The following FKBP5 variants were observed in gnomAD, a reference collection of about 807,000 sequenced individuals.
FKBP5 encodes peptidyl-prolyl cis-trans isomerase FKBP5.
FKBP5 carries 23 observed loss-of-function variants against 50.5 expected under a neutral mutation model. That is an observed-to-expected ratio of 0.46 (90% CI 0.33 to 0.65). FKBP5 has a LOEUF of 0.65. Among genes scored for constraint, FKBP5 ranks in the 30% least tolerant of loss-of-function variants. FKBP5 has a pLI of 0.02. For missense variants in FKBP5, 411 were observed against 553.1 expected (o/e 0.74, Z 2.58); for synonymous variants, 176 against 190.6 (o/e 0.92, Z 0.63).
At position 35,580,823 on chromosome 6, in the gene FKBP5, G is replaced by A. The variant is rs139892530; in HGVS notation, c.841-602C>T. ...CCCAAAGTGCTGGGATTACAGGCAT[G>A]AGCCACCACACCTGGCCTATTCTTT... is the stretch of plus-strand genomic sequence containing the variant. On this transcript the variant is annotated intron_variant, in intron 8 of 10. Transcript: ENST00000357266. The A allele has an allele frequency of 2.1e-3, 2,094 of 983,478 alleles. 14 individuals are homozygous for A. In the African/African-American group the frequency reaches 0.024, roughly 11 times the overall value. The allele number at this position is 983,478 out of a possible 1,614,324, so 60.9% of individuals were successfully genotyped here.
chr6:35,667,110 TAAAG>T (rs1200831361), intron 1 of FKBP5, among the ~76,000 whole-genome samples: 1 of 151,902 alleles, frequency 6.6e-6, no homozygotes, highest in Non-Finnish European at 1.5e-5. Context: ...TTTACATTAA[TAAAG>T]AAAACTGAGT....
intron 1 of FKBP5, among the ~76,000 whole-genome samples, chr6:35,688,165 C>G (rs2151014254): frequency 6.6e-6 from 1 of 152,362 alleles, no homozygotes; most frequent in Non-Finnish European, 1.5e-5. Flanking sequence ...AACGCTTGTC[C>G]CGAGGCGGCA....
At chr6:35,679,149 G>C (rs138426136) in intron 1 of FKBP5, among the ~76,000 whole-genome samples, 55 of 152,324 alleles carry the variant, frequency 3.6e-4, no homozygotes, top group African/African-American at 1.3e-3. Context: ...TGGGTACATG[G>C]AGGTTCATTA....
At chr6:35,685,930 C>T (rs1372133983) in intron 1 of FKBP5, among the ~76,000 whole-genome samples, 4 of 145,638 alleles carry the variant, frequency 2.7e-5, no homozygotes, top group South Asian at 4.3e-4. Flanking sequence ...TGCAATGAGC[C>T]GAGACTGCGC....
At chr6:35,645,765 G>C (rs769416473) in intron 1 of FKBP5, among the ~76,000 whole-genome samples, 6 of 152,190 alleles carry the variant, frequency 3.9e-5, no homozygotes, top group Non-Finnish European at 7.3e-5. Context: ...GCTTTCTTTT[G>C]AATGTTCATC....
chr6:35,642,661 T>C (rs1764525842), intron 2 of FKBP5, 59 bp downstream of exon 2: 3 of 1,309,568 alleles, frequency 2.3e-6, no homozygotes, highest in South Asian at 2.5e-5. Context: ...CAGAAAGAGA[T>C]GCTATAATCT....
chr6:35,676,844 A>G (rs888622987), intron 1 of FKBP5, among the ~76,000 whole-genome samples: 1 of 152,190 alleles, frequency 6.6e-6, no homozygotes, highest in African/African-American at 2.4e-5. Context: ...AGTAAAAACT[A>G]CCACCCATTT....
chr6:35,620,309 GC>G lies in FKBP5; in HGVS notation c.251-36del, dbSNP rs1763793699. The G allele has an allele frequency of 1.9e-6, 3 of 1,585,668 alleles. No individual in the cohort carries two copies. In the South Asian group the frequency reaches 3.4e-5, roughly 18 times the overall value. Reference sequence around the variant, plus strand: ...AGGAAAAGGTAGTTGAAAGCTATAAGCCCTATTTAAAAAGATTTAACTTTCA... The same window carrying G: ...AGGAAAAGGTAGTTGAAAGCTATAAGCCTATTTAAAAAGATTTAACTTTCA... On this transcript the variant is annotated intron_variant, in intron 3 of 10. Coordinates refer to ENST00000357266, the MANE Select transcript of FKBP5 (RefSeq NM_004117.4).
intron 8 of FKBP5, chr6:35,581,884 A>G (rs1188014318): frequency 1.0e-6 from 1 of 985,398 alleles, no homozygotes; most frequent in Non-Finnish European, 1.2e-6. Context: ...CAGCGCGTAC[A>G]TCTCACTGCC....
intron 6 of FKBP5, among the ~76,000 whole-genome samples, 194 bp from the exon 7 acceptor site, chr6:35,591,414 C>A (rs1283498147): frequency 6.6e-6 from 1 of 152,172 alleles, no homozygotes; most frequent in Non-Finnish European, 1.5e-5. Flanking sequence ...AGAAACCAGG[C>A]TAGGTTTAGT....
At chr6:35,652,158 G>C (rs1764819379) in intron 1 of FKBP5, among the ~76,000 whole-genome samples, 1 of 152,146 alleles carries the variant, frequency 6.6e-6, no homozygotes, top group African/African-American at 2.4e-5. Flanking sequence ...TCCTATGCCT[G>C]TCTTTACTTT....
intron 2 of FKBP5, among the ~76,000 whole-genome samples, chr6:35,713,191 G>C (rs957659489): frequency 1.3e-5 from 2 of 151,536 alleles, no homozygotes; most frequent in African/African-American, 4.8e-5. Flanking sequence ...AAAGAGGGGA[G>C]TGACTCCTTG....
intron 7 of FKBP5, among the ~76,000 whole-genome samples, chr6:35,589,868 G>A (rs1290229503): frequency 6.6e-6 from 1 of 152,218 alleles, no homozygotes; most frequent in African/African-American, 2.4e-5. Flanking sequence ...GGTATGATTA[G>A]GAATGTCACT....
At chr6:35,619,731 G>C (rs1021820002) in intron 4 of FKBP5, among the ~76,000 whole-genome samples, 1 of 152,192 alleles carries the variant, frequency 6.6e-6, no homozygotes, top group Non-Finnish European at 1.5e-5. Context: ...ACGGCTTCTA[G>C]AGAAGTGAGA....
chr6:35,669,341 C>CT (rs1005815638), intron 1 of FKBP5, among the ~76,000 whole-genome samples: 9 of 152,082 alleles, frequency 5.9e-5, no homozygotes, highest in Admixed American at 2.0e-4. Context: ...AATCTGTTGC[C>CT]TTTTTTTCTA....
intron 5 of FKBP5, among the ~76,000 whole-genome samples, chr6:35,602,702 T>C (rs557861216): frequency 6.6e-6 from 1 of 152,214 alleles, no homozygotes; most frequent in African/African-American, 2.4e-5. Context: ...CCCTAAGCTG[T>C]CCGCCTTCCT....
chr6:35,597,439 G>C (rs1763011512), intron 5 of FKBP5, 35 bp from the exon 6 acceptor site: 3 of 1,600,176 alleles, frequency 1.9e-6, no homozygotes, highest in East Asian at 4.5e-5. Flanking sequence ...CAACAGAGCT[G>C]CTTCTTAGGA....
intron 2 of FKBP5, among the ~76,000 whole-genome samples, chr6:35,706,767 G>C (rs550597364): frequency 6.6e-5 from 10 of 152,092 alleles, no homozygotes; most frequent in Admixed American, 1.3e-4. Context: ...TATATACAAC[G>C]ATGTTCTCTG....
intron 2 of FKBP5, among the ~76,000 whole-genome samples, chr6:35,702,382 CAGAAA>C (rs575253937): frequency 1.8e-4 from 26 of 147,380 alleles, no homozygotes; most frequent in Middle Eastern, 3.2e-3. Context: ...AAAAAAAAGA[CAGAAA>C]AGAAAAGATA....
Sources: allele counts gnomAD v4.1 joint callset (sites outside exome capture counted in the v4.1 genomes callset), GRCh38; gene constraint gnomAD v4.1.1; transcripts MANE v1.5; gene names NCBI Gene and HGNC (gene_info 2026-07-23, HGNC 2026-07-21).